Variants in C9orf72 observed in about 807,000 individuals in gnomAD.
The protein encoded by C9orf72 is C9orf72-SMCR8 complex subunit.
Under a neutral mutation model 51.6 loss-of-function variants are expected in C9orf72, and 44 were observed. That is an observed-to-expected ratio of 0.85 (90% CI 0.67 to 1.10). The LOEUF (loss-of-function observed/expected upper bound fraction) is 1.10, where lower values mean the gene tolerates loss of function less well. Among genes scored for constraint, C9orf72 ranks in the 50% least tolerant of loss-of-function variants. C9orf72 has a pLI of 0.00. For missense variants in C9orf72, 607 were observed against 570.6 expected, an observed-to-expected ratio of 1.06 and a Z score of -0.65; for synonymous variants, 213 against 194.2, an observed-to-expected ratio of 1.10 and a Z score of -0.81.
rs1399997671 is a variant in C9orf72 at position 27,567,155 on chromosome 9, C to A, written c.-35G>T. On this transcript the variant is annotated 5_prime_UTR_variant, in exon 2 of 11. Transcript: ENST00000380003. ...CCAACTGTCACATTATCCAAATGCTCCGGAGATATCTAAACAATGACATAT... is the reference window on the plus strand; with the variant it reads ...CCAACTGTCACATTATCCAAATGCTACGGAGATATCTAAACAATGACATAT... 6.5e-7 allele frequency: 1 copy of A among 1,541,122 alleles called. No individual in the cohort carries two copies. The highest frequency in any genetic ancestry group is 1.1e-5 in the South Asian group (1 of 88,938).
At chr9:27,548,908 G>A (rs761864934) in intron 9 of C9orf72, among the ~76,000 whole-genome samples, 3 of 151,432 alleles carry the variant, frequency 2.0e-5, no homozygotes, top group Non-Finnish European at 4.4e-5. Flanking sequence ...GCAGTGGCGC[G>A]ATCTTGACTC....
chr9:27,553,930 G>A (rs1820958147), intron 8 of C9orf72, among the ~76,000 whole-genome samples: 1 of 152,032 alleles, frequency 6.6e-6, no homozygotes, highest in African/African-American at 2.4e-5. Flanking sequence ...CAGCTAAAAA[G>A]CATATGAAAA....
chr9:27,572,255 A>G (rs1035800873), intron 1 of C9orf72, among the ~76,000 whole-genome samples: 3 of 152,210 alleles, frequency 2.0e-5, no homozygotes, highest in Non-Finnish European at 4.4e-5. Flanking sequence ...ATCAGCATGT[A>G]GCAGTTTCCA....
intron 3 of C9orf72, among the ~76,000 whole-genome samples, chr9:27,562,831 C>G (rs913806777): frequency 3.3e-5 from 5 of 151,948 alleles, no homozygotes; most frequent in African/African-American, 1.2e-4. Flanking sequence ...CCACCATGCC[C>G]GGCTGATTTT....
chr9:27,556,410 G>A lies in C9orf72; in HGVS notation c.1091+151C>T, dbSNP rs571032104. ...TGTATGGAAAAAGAAGAACATTTAA[G>A]AAAAAAATGCTTGATTAAATGTTTC... On this transcript the variant is annotated intron_variant, in intron 8 of 10. Coordinates refer to ENST00000380003, the MANE Select transcript of C9orf72 (RefSeq NM_018325.5). 9 of 605,610 alleles carry A rather than the reference G, an allele frequency of 1.5e-5. No homozygotes were observed. In the South Asian group the frequency reaches 1.9e-4, roughly 13 times the overall value. 37.5% of individuals were successfully genotyped at this position (605,610 alleles called of 1,614,324 possible).
Position 27,568,586 on chromosome 9 carries a change from A to G in C9orf72, c.-44-1422T>C, listed in dbSNP as rs913981107. On this transcript the variant is annotated intron_variant, in intron 1 of 10. Transcript: ENST00000380003. ...TTGCAAATACAGTTATGTGCCATGT[A>G]ACGTTTCAGTCAATGGTAGACTGCA... Among the ~76,000 whole-genome samples the G allele has an allele frequency of 2.0e-5, 3 of 152,214 alleles. No homozygotes were observed. The East Asian group carries it at 5.8e-4, about 29-fold the overall frequency.
In C9orf72 at chr9:27,548,339, A is replaced by G; in HGVS notation, c.1343T>C (p.Ile448Thr). The part of the protein sequence containing the change: ...DLTAEGDLNI[I>T]MALAEKIKPG... ...TTTAATTTTCTCAGCCAGAGCCATT[A>G]TTATGTTAAGATCGCCCTCTGCTGT... is the stretch of plus-strand genomic sequence containing the variant. The change falls in exon 11 of 11, where the codon ATA becomes ACA. Residue 448 changes from isoleucine (I) to threonine (T), a missense_variant. By Grantham distance (89) the Ile-to-Thr change is moderately conservative (BLOSUM62 -1). Transcript: ENST00000380003. 6.4e-7 allele frequency: 1 copy of G among 1,568,874 alleles called. No individual in the cohort carries two copies. The highest frequency in any genetic ancestry group is 2.3e-5 in the East Asian group (1 of 42,890).
intron 7 of C9orf72, among the ~76,000 whole-genome samples, chr9:27,557,486 C>T (rs947249653): frequency 1.3e-5 from 2 of 151,994 alleles, no homozygotes; most frequent in African/African-American, 4.8e-5. Flanking sequence ...TTCTGGAAAA[C>T]TATATGATTT....
intron 7 of C9orf72, among the ~76,000 whole-genome samples, chr9:27,557,365 CT>C (rs1191295699): frequency 1.3e-5 from 2 of 152,068 alleles, no homozygotes; most frequent in African/African-American, 4.8e-5. Flanking sequence ...TAATAATAAC[CT>C]ACTGCGTATG....
At chr9:27,554,207 C>T (rs1206561579) in intron 8 of C9orf72, among the ~76,000 whole-genome samples, 1 of 152,144 alleles carries the variant, frequency 6.6e-6, no homozygotes, top group African/African-American at 2.4e-5. Flanking sequence ...CATAAAGACA[C>T]ATGCATGTGT....
At chr9:27,554,020 T>A (rs959264212) in intron 8 of C9orf72, among the ~76,000 whole-genome samples, 6 of 152,150 alleles carry the variant, frequency 3.9e-5, no homozygotes, top group Non-Finnish European at 8.8e-5. Context: ...AAATCACAGA[T>A]GTTGGCAAGG....
chr9:27,565,333 C>T (rs1324734744), intron 3 of C9orf72, among the ~76,000 whole-genome samples, 198 bp downstream of exon 3: 2 of 151,914 alleles, frequency 1.3e-5, no homozygotes, highest in Non-Finnish European at 2.9e-5. Flanking sequence ...GATGCAATTA[C>T]TATTTTCCTT....
At chr9:27,565,196 A>G (rs561357198) in intron 3 of C9orf72, among the ~76,000 whole-genome samples, 21 of 151,954 alleles carry the variant, frequency 1.4e-4, no homozygotes, top group East Asian at 7.7e-4. Context: ...ACTTCTAGGG[A>G]AAGGTTCGAG....
chr9:27,548,440 A>C lies in C9orf72; in HGVS notation c.1260-18T>G. 4.6e-6 allele frequency: 5 copies of C among 1,089,912 alleles called. No individual in the cohort carries two copies. Among genetic ancestry groups the C allele is most frequent in the East Asian group, 1.1e-4 (2 of 18,928 alleles). The allele number at this position is 1,089,912 out of a possible 1,614,324, so 67.5% of individuals were successfully genotyped here. ...CCTTCTGCCTAAAAATAATGGAAAAAAAAAAAAAAAAAAAAAAAAAAGAAG... is the reference window on the plus strand; with the variant it reads ...CCTTCTGCCTAAAAATAATGGAAAACAAAAAAAAAAAAAAAAAAAAAGAAG... On this transcript the variant is annotated intron_variant, in intron 10 of 10. Transcript: ENST00000380003.
In C9orf72 at chr9:27,549,372, G is replaced by T. The variant is rs548187310; in HGVS notation, c.1150-706C>A. ...CTGTACTTTTGCAGGGGGTGGAGTG[G>T]GTGGGTAGGAGTAGAATGTGTGCAT... On this transcript the variant is annotated intron_variant, in intron 9 of 10. Coordinates refer to ENST00000380003, the MANE Select transcript of C9orf72 (RefSeq NM_018325.5). Among the ~76,000 whole-genome samples the T allele has an allele frequency of 1.6e-4, 25 of 152,218 alleles. 1 individual carries two copies. Among genetic ancestry groups the T allele is most frequent in the African/African-American group, 5.1e-4 (21 of 41,538 alleles).
rs1271503335 is a variant in C9orf72 at position 27,560,238 on chromosome 9, T to C, written c.727A>G (p.Lys243Glu). The change falls in exon 6 of 11, where the codon AAA becomes GAA. Residue 243 changes from lysine to glutamate, a missense_variant. Transcript: ENST00000380003. ...CSVVVGSSAE[K>E]VNKIVRTLCL... ...ATAAAATAAACTACCTTATTTACTT[T>C]CTCTGCACTGCTACCTACTACAACG... is the stretch of plus-strand genomic sequence containing the variant. 6.2e-7 allele frequency: 1 copy of C among 1,606,660 alleles called. No homozygotes were observed. Among genetic ancestry groups the C allele is most frequent in the South Asian group, 1.1e-5 (1 of 90,410 alleles).
intron 9 of C9orf72, among the ~76,000 whole-genome samples, chr9:27,548,920 C>T (rs1429815981): frequency 6.6e-6 from 1 of 151,806 alleles, no homozygotes; most frequent in Non-Finnish European, 1.5e-5. Flanking sequence ...TCTTGACTCA[C>T]TGCAACCTAC....
chr9:27,563,581 T>A (rs1033957384), intron 3 of C9orf72, among the ~76,000 whole-genome samples: 4 of 152,186 alleles, frequency 2.6e-5, no homozygotes, highest in Non-Finnish European at 4.4e-5. Flanking sequence ...TTCATAAGCA[T>A]CTTTAAGTTA....
chr9:27,569,250 A>G (rs1819535855), intron 1 of C9orf72, among the ~76,000 whole-genome samples: 1 of 152,196 alleles, frequency 6.6e-6, no homozygotes, highest in African/African-American at 2.4e-5. Flanking sequence ...TTTTTTATTG[A>G]AGAAAAACTG....
Sources: allele counts gnomAD v4.1 joint callset (sites outside exome capture counted in the v4.1 genomes callset), GRCh38; gene constraint gnomAD v4.1.1; transcripts MANE v1.5; gene names NCBI Gene and HGNC (gene_info 2026-07-23, HGNC 2026-07-21).